Variants in SIGIRR observed in about 807,000 individuals in gnomAD.
The protein encoded by SIGIRR is single Ig and TIR domain containing, also known as single Ig IL-1-related receptor.
A neutral mutation model predicts 45.6 loss-of-function variants in SIGIRR; 41 were observed. That is an observed-to-expected ratio of 0.90 (90% CI 0.70 to 1.17). The LOEUF (loss-of-function observed/expected upper bound fraction) is 1.17. SIGIRR is among the 50% of genes most tolerant of loss of function. SIGIRR has a pLI of 0.00. For missense variants in SIGIRR, 599 were observed against 539.6 expected (o/e 1.11, Z -1.09); for synonymous variants, 298 against 239.0 (o/e 1.25, Z -2.28).
chr11:409,766 C>A (rs111715314), intron 2 of SIGIRR, 102 bp downstream of exon 2: 78,342 of 1,270,726 alleles, frequency 0.062, 2,855 homozygotes, highest in Non-Finnish European at 0.072. Flanking sequence ...TGTGGCCAGG[C>A]AGAGTGCCTG....
intron 3 of SIGIRR, among the ~76,000 whole-genome samples, 180 bp from the exon 4 acceptor site, chr11:408,386 G>T (rs182599278): frequency 6.6e-6 from 1 of 152,182 alleles, no homozygotes; most frequent in African/African-American, 2.4e-5. Context: ...CAGAACAGCC[G>T]TCCCAGTCCT....
rs1443065825 is a variant in SIGIRR at position 410,002 on chromosome 11, G to C, written c.-128C>G. The C allele has an allele frequency of 8.0e-6, 10 of 1,245,156 alleles. No individual in the cohort carries two copies. The highest frequency in any genetic ancestry group is 1.0e-5 in the Non-Finnish European group (10 of 994,432). 77.1% of individuals were successfully genotyped at this position (1,245,156 alleles called of 1,614,324 possible). A position where few individuals can be genotyped will look rare whatever the true frequency, so the allele number is the denominator to read the frequency against. On this transcript the variant is annotated 5_prime_UTR_variant, in exon 2 of 10. Transcript: ENST00000431843. ...TCCTCTCTGTCCTTGCAGTCAGCTG[G>C]ACAGGGCACCTGGACAGGTCAGAGG... is the stretch of plus-strand genomic sequence containing the variant.
intron 9 of SIGIRR, 62 bp downstream of exon 9, chr11:406,287 C>CT (rs1376100588): frequency 1.3e-6 from 2 of 1,575,666 alleles, no homozygotes; most frequent in East Asian, 4.7e-5. Context: ...TGCCCTGTGC[C>CT]TGCCCCCACT....
In SIGIRR at chr11:406,818, G is replaced by A. The variant is rs200464689; in HGVS notation, c.879+25C>T. The A allele has an allele frequency of 1.6e-5, 24 of 1,505,402 alleles. No individual in the cohort carries two copies. The Admixed American group carries it at 5.2e-4, about 32-fold the overall frequency. The allele number at this position is 1,505,402 out of a possible 1,614,324, so 93.3% of individuals were successfully genotyped here. On this transcript the variant is annotated intron_variant, in intron 8 of 9. Transcript: ENST00000431843. Reference sequence around the variant, plus strand: ...CCATCTCTAACCCGCCGCTAGCCCCGGACCCTCCCGCGCCTGCTCCGCACC... The same window carrying A: ...CCATCTCTAACCCGCCGCTAGCCCCAGACCCTCCCGCGCCTGCTCCGCACC...
upstream of SIGIRR, among the ~76,000 whole-genome samples, chr11:416,222 G>C (rs1847876694): frequency 6.6e-6 from 1 of 152,116 alleles, no homozygotes; most frequent in South Asian, 2.1e-4. This position sits in a 1 kb window ranked among gnomAD's most constrained non-coding sequence, Gnocchi z 9.1. Context: ...AGCAGGAGCA[G>C]GGCCTCCAGC....
At position 407,086 on chromosome 11, in the gene SIGIRR, C is replaced by G; in HGVS notation, c.704G>C (p.Arg235Pro). The G allele has an allele frequency of 1.3e-6, 2 of 1,540,796 alleles. No homozygotes were observed. The highest frequency in any genetic ancestry group is 1.7e-6 in the Non-Finnish European group (2 of 1,148,508). The stretch of plus-strand genomic sequence containing the variant: ...CCGGAAGCTGTGGCTGCACCAGGCC[C>G]GGCTCAGGAAGGCGTCCGAAAGCAC... Reference protein sequence around the residue: ...IVVLSDAFLSRAWCSHSFREG... With the variant: ...IVVLSDAFLSPAWCSHSFREG... The change falls in exon 7 of 10, where the codon CGG (arginine) becomes CCG (proline). Residue 235 changes from arginine (R) to proline (P), a missense_variant. Arg to Pro is a moderately radical substitution (Grantham distance 103, BLOSUM62 -2). Transcript: ENST00000431843.
upstream of SIGIRR, among the ~76,000 whole-genome samples, chr11:416,951 G>T (rs954343135): frequency 2.0e-5 from 3 of 151,938 alleles, no homozygotes; most frequent in South Asian, 6.2e-4. The surrounding 1 kb of genome is among the most constrained non-coding windows in gnomAD (Gnocchi z 9.1). Flanking sequence ...CGCCCTCGGC[G>T]CCTCAGGAAG....
In SIGIRR at chr11:409,792, G is replaced by A. The variant is rs867129188; in HGVS notation, c.7+76C>T. The A allele has an allele frequency of 6.0e-5, 81 of 1,353,028 alleles. No individual in the cohort carries two copies. In the South Asian group the frequency reaches 1.3e-3, roughly 21 times the overall value. 83.8% of individuals were successfully genotyped at this position (1,353,028 alleles called of 1,614,324 possible). On this transcript the variant is annotated intron_variant, in intron 2 of 9. Transcript: ENST00000431843. Reference sequence around the variant, plus strand: ...AGAGTGCCTGGGATAAGAGCAGGATGCACAATGTGGAGCCAGCCTGAGGGG... The same window carrying A: ...AGAGTGCCTGGGATAAGAGCAGGATACACAATGTGGAGCCAGCCTGAGGGG...
At position 407,467 on chromosome 11, in the gene SIGIRR, A is replaced by G; in HGVS notation, c.583T>C (p.Tyr195His). The G allele has an allele frequency of 1.3e-6, 2 of 1,567,990 alleles. No homozygotes were observed. The highest frequency in any genetic ancestry group is 1.7e-6 in the Non-Finnish European group (2 of 1,157,334). The change falls in exon 6 of 10, where the codon TAC becomes CAC. Residue 195 changes from tyrosine to histidine, a missense_variant. By Grantham distance (83) the Tyr-to-His change is moderately conservative. Transcript: ENST00000431843. ...LKPQLERRRG[Y>H]KLFLDDRDLL... ...TCGCGGTCGTCCAGGAAGAGCTTGT[A>G]GCCCCGACGCCGCTCCAGCTGCGGC...
Position 407,511 on chromosome 11 carries a change from A to G in SIGIRR, c.539T>C (p.Phe180Ser). 6.2e-7 allele frequency: 1 copy of G among 1,607,330 alleles called. No homozygotes were observed. Among genetic ancestry groups the G allele is most frequent in the Non-Finnish European group, 8.5e-7 (1 of 1,177,562 alleles). Residue 180 changes from phenylalanine to serine, a missense_variant, in exon 6 of 10, where the codon TTC becomes TCC. Physicochemically the swap from Phe to Ser is radical, Grantham distance 155. Transcript: ENST00000431843. ...SYSDCPEDRK[F>S]VNFILKPQLE... Reference sequence around the variant, plus strand: ...CTGCGGCTTTAGGATGAAGTTCACGAACTTGCGGTCCTCGGGGCAGTCGCT... The same window carrying G: ...CTGCGGCTTTAGGATGAAGTTCACGGACTTGCGGTCCTCGGGGCAGTCGCT...
rs777476009 is a variant in SIGIRR, at chr11:406,892, C to A, written c.830G>T (p.Arg277Leu). The change falls in exon 8 of 10, where the codon CGC becomes CTC. Residue 277 changes from arginine (R) to leucine (L), a missense_variant. Physicochemically the swap from Arg to Leu is moderately radical, Grantham distance 102 (BLOSUM62 -2). Coordinates refer to ENST00000431843, the MANE Select transcript of SIGIRR (RefSeq NM_001135054.2). ...DPAHPALRLLRQHRHLVTLLL... is the reference protein window; with the variant it reads ...DPAHPALRLLLQHRHLVTLLL... ...CAAGGTCACCAGGTGGCGGTGCTGG[C>A]GCAGCAGGCGGAGCGCCGGGTGCGC... 4.2e-5 allele frequency: 67 copies of A among 1,585,956 alleles called. No homozygotes were observed. In the East Asian group the frequency reaches 1.1e-3, roughly 26 times the overall value.
chr11:412,949 A>G (rs1387722415), intron 1 of SIGIRR, among the ~76,000 whole-genome samples: 3 of 152,158 alleles, frequency 2.0e-5, no homozygotes, highest in African/African-American at 7.2e-5. Context: ...AAGTCTCCCA[A>G]AGCTCCTCAG....
In SIGIRR at chr11:407,881, A is replaced by G. The variant is rs1418160259; in HGVS notation, c.417T>C (p.Tyr139=). Residue 139 remains tyrosine, a synonymous_variant, in exon 5 of 10, where the codon TAT becomes TAC. Transcript: ENST00000431843. The part of the protein sequence containing the change: ...LLALLLAALL[Y]VKCRLNVLLW... The stretch of plus-strand genomic sequence containing the variant: ...GCAGCACGTTGAGACGGCACTTGAC[A>G]TAGAGCAGGGCGGCCAGCAGCAGGG... 1 of 1,612,556 alleles carries G rather than the reference A, an allele frequency of 6.2e-7. No homozygotes were observed. Among genetic ancestry groups the G allele is most frequent in the Admixed American group, 1.7e-5 (1 of 60,006 alleles).
intron 9 of SIGIRR, 28 bp from the exon 10 acceptor site, chr11:406,087 G>A: frequency 6.5e-7 from 1 of 1,549,968 alleles, no homozygotes; most frequent in Non-Finnish European, 8.7e-7. Flanking sequence ...AGACGCCTGA[G>A]GTGGCCACCC....
At position 410,022 on chromosome 11, in the gene SIGIRR, C is replaced by A; in HGVS notation, c.-148G>T. ...AGCTGGACAGGGCACCTGGACAGGT[C>A]AGAGGCTGCCGCCATCCCCAGGGAA... On this transcript the variant is annotated 5_prime_UTR_variant, in exon 2 of 10. An upstream open reading frame in the 5' UTR loses its in-frame stop. Transcript: ENST00000431843. 1.6e-6 allele frequency: 2 copies of A among 1,240,060 alleles called. No homozygotes were observed. The highest frequency in any genetic ancestry group is 7.9e-5 in the South Asian group (2 of 25,354). The allele number at this position is 1,240,060 out of a possible 1,614,324, so 76.8% of individuals were successfully genotyped here.
upstream of SIGIRR, chr11:417,160 C>G (rs1847910553): frequency 6.6e-6 from 1 of 152,270 alleles, no homozygotes; most frequent in African/African-American, 2.4e-5. This position sits in a 1 kb window ranked among gnomAD's most constrained non-coding sequence, Gnocchi z 4.2. Context: ...CGGGCGAGCT[C>G]GGGCTTCCGG....
chr11:407,370 GCGGGGCGGGGCGGGCCCTCCGGGT>G (rs1847383721), intron 6 of SIGIRR, 31 bp downstream of exon 6: 19 of 923,200 alleles, frequency 2.1e-5, no homozygotes, highest in Non-Finnish European at 2.6e-5. Context: ...GGAGCATGGG[GCGGGGCGGGGCGGGCCCTCCGGGT>G]GGGCGGGGCA....
chr11:411,512 G>A (rs1178238379), intron 1 of SIGIRR, among the ~76,000 whole-genome samples: 1 of 37,036 alleles, frequency 2.7e-5, no homozygotes, highest in African/African-American at 1.2e-4. Flanking sequence ...GGATGCAGTC[G>A]GGGAGGGGGG....
intron 1 of SIGIRR, among the ~76,000 whole-genome samples, chr11:410,516 G>A (rs1457116456): frequency 6.9e-6 from 1 of 145,756 alleles, no homozygotes; most frequent in Non-Finnish European, 1.5e-5. Context: ...GCTCAGCTCT[G>A]ACCATGTCTG....
Sources: allele counts gnomAD v4.1 joint callset (sites outside exome capture counted in the v4.1 genomes callset), GRCh38; gene constraint gnomAD v4.1.1; non-coding constraint Gnocchi (gnomAD v3.1); transcripts MANE v1.5; gene names NCBI Gene and HGNC (gene_info 2026-07-23, HGNC 2026-07-21).